Variants in KLHL32 observed in about 807,000 individuals in gnomAD.
KLHL32 encodes kelch-like protein 32.
Under a neutral mutation model 64.8 loss-of-function variants are expected in KLHL32, and 35 were observed. The ratio of observed to expected loss-of-function variants is 0.54; its 90% CI spans 0.41 to 0.72. The LOEUF (loss-of-function observed/expected upper bound fraction) is 0.72. Ranked by LOEUF, KLHL32 falls within the 30% of genes least tolerant of loss-of-function variation. The pLI is 0.00. For missense variants in KLHL32, 589 were observed against 768.5 expected (o/e 0.77, Z 2.76); for synonymous variants, 259 against 281.0 (o/e 0.92, Z 0.78).
intron 2 of KLHL32, among the ~76,000 whole-genome samples, chr6:96,973,524 A>G (rs1775334131): frequency 6.6e-6 from 1 of 152,204 alleles, no homozygotes; most frequent in Admixed American, 6.5e-5. Flanking sequence ...TCTATTTTCC[A>G]TCCCAAAACT....
intron 4 of KLHL32, among the ~76,000 whole-genome samples, chr6:97,042,908 C>T (rs1011955984): frequency 2.6e-5 from 4 of 152,174 alleles, no homozygotes; most frequent in East Asian, 1.9e-4. Flanking sequence ...ATTGATTCTT[C>T]GTGAAAAGGC....
At chr6:97,061,612 G>A (rs375021928) in intron 4 of KLHL32, among the ~76,000 whole-genome samples, 2 of 152,122 alleles carry the variant, frequency 1.3e-5, no homozygotes, top group South Asian at 2.1e-4. Context: ...GTCCTGGTTT[G>A]AGTGTCAGAC....
chr6:97,026,830 C>T (rs548234679), intron 3 of KLHL32, among the ~76,000 whole-genome samples: 2 of 152,182 alleles, frequency 1.3e-5, no homozygotes, highest in East Asian at 1.9e-4. Flanking sequence ...AAATTCCACA[C>T]TATTATCTTC....
chr6:97,003,703 G>C (rs115646954), intron 3 of KLHL32, among the ~76,000 whole-genome samples: 2,108 of 152,190 alleles, frequency 0.014, 47 homozygotes, highest in African/African-American at 0.048. Context: ...TCAAAGTTCT[G>C]CATATGGCTA....
chr6:97,079,961 C>T (rs545240641), intron 5 of KLHL32, among the ~76,000 whole-genome samples: 2 of 152,236 alleles, frequency 1.3e-5, no homozygotes, highest in East Asian at 3.9e-4. Context: ...TGGATACTTA[C>T]ATTTTTAAGT....
intron 6 of KLHL32, among the ~76,000 whole-genome samples, chr6:97,096,451 GTA>G (rs1349130624): frequency 6.6e-6 from 1 of 152,182 alleles, no homozygotes; most frequent in African/African-American, 2.4e-5. Flanking sequence ...CACTCCAAGC[GTA>G]TATATTCCAT....
chr6:96,961,043 G>A (rs1773826182), intron 1 of KLHL32, among the ~76,000 whole-genome samples: 1 of 152,074 alleles, frequency 6.6e-6, no homozygotes, highest in Non-Finnish European at 1.5e-5. Context: ...GACAAGGAAG[G>A]GGATTCTCTT....
intron 5 of KLHL32, among the ~76,000 whole-genome samples, chr6:97,079,498 C>T (rs990536007): frequency 1.3e-5 from 2 of 152,150 alleles, no homozygotes; most frequent in East Asian, 1.9e-4. Context: ...TTACCCCTAC[C>T]GTATTTGGTA....
chr6:97,010,403 C>T (rs1780249257), intron 3 of KLHL32: 1 of 152,162 alleles, frequency 6.6e-6, no homozygotes, highest in African/African-American at 2.4e-5. Flanking sequence ...ATACCCAGCC[C>T]TGGACTTTGC....
chr6:96,988,895 A>G (rs922399160), intron 3 of KLHL32, among the ~76,000 whole-genome samples: 2 of 151,126 alleles, frequency 1.3e-5, no homozygotes, highest in African/African-American at 4.8e-5. Flanking sequence ...ACAGGTGGGA[A>G]TTGAACAATG....
chr6:97,090,106 G>T (rs1011406241), intron 6 of KLHL32, among the ~76,000 whole-genome samples: 3 of 152,140 alleles, frequency 2.0e-5, no homozygotes, highest in African/African-American at 7.2e-5. Context: ...AGAGGCAGAG[G>T]CTGTGCTGTA....
intron 3 of KLHL32, among the ~76,000 whole-genome samples, chr6:96,985,460 A>T (rs1167778294): frequency 2.6e-5 from 4 of 152,220 alleles, no homozygotes; most frequent in Admixed American, 2.6e-4. Context: ...CATATCCTGC[A>T]GAGTGTTTTC....
chr6:96,922,318 A>G (rs850583), upstream of KLHL32, among the ~76,000 whole-genome samples: 88,774 of 151,924 alleles, frequency 0.58, 26,501 homozygotes, highest in African/African-American at 0.7. Context: ...ATCTCATAAC[A>G]TTCCTGTCCT....
intron 4 of KLHL32, chr6:97,062,389 C>T (rs1789051719): frequency 6.6e-6 from 1 of 152,192 alleles, no homozygotes; most frequent in Admixed American, 6.5e-5. Flanking sequence ...GGGAGCTGCA[C>T]TAATTTCGTG....
chr6:97,009,375 A>G (rs371169611), intron 3 of KLHL32, among the ~76,000 whole-genome samples: 3 of 152,058 alleles, frequency 2.0e-5, no homozygotes, highest in Admixed American at 2.0e-4. Context: ...TTGCTTTTCA[A>G]ATGTAAATGT....
At position 97,022,118 on chromosome 6, in the gene KLHL32, G is replaced by A. The variant is rs560473721; in HGVS notation, c.205-19374G>A. Among the ~76,000 whole-genome samples the A allele has an allele frequency of 1.3e-5, 2 of 150,858 alleles. 1 individual carries two copies. Among genetic ancestry groups the A allele is most frequent in the African/African-American group, 5.0e-5 (2 of 40,222 alleles). ...ATGCTTTGGAGTCTGTTTCAATACT[G>A]CAGCCCCAGTGAACCCACTGAAAAC... is the stretch of plus-strand genomic sequence containing the variant. On this transcript the variant is annotated intron_variant, in intron 3 of 10. Coordinates refer to ENST00000369261, the MANE Select transcript of KLHL32 (RefSeq NM_052904.4).
intron 2 of KLHL32, among the ~76,000 whole-genome samples, chr6:96,974,584 G>C (rs536379259): frequency 3.3e-5 from 5 of 152,006 alleles, no homozygotes; most frequent in African/African-American, 1.2e-4. Context: ...TATCATCACC[G>C]TCTGTCAAGT....
chr6:97,048,871 A>AG (rs1786365985), intron 4 of KLHL32, among the ~76,000 whole-genome samples: 1 of 152,202 alleles, frequency 6.6e-6, no homozygotes, highest in Admixed American at 6.5e-5. Flanking sequence ...CAAACATGGG[A>AG]GAAAATTTTT....
chr6:97,116,323 C>A lies in KLHL32; in HGVS notation c.1354+1814C>A, dbSNP rs565904669. ...GTATATTTCAACAGTTAATAACCAC[C>A]AAGACTATATTCTTTTAGCTGTGCT... On this transcript the variant is annotated intron_variant, in intron 7 of 10. Transcript: ENST00000369261. Among the ~76,000 whole-genome samples the A allele has an allele frequency of 2.6e-5, 4 of 152,064 alleles. No individual in the cohort carries two copies. The South Asian group carries it at 8.3e-4, about 32-fold the overall frequency.
Sources: gnomAD v4.1 joint callset for allele counts (sites outside exome capture counted in the v4.1 genomes callset) on GRCh38, gnomAD v4.1.1 for gene constraint, MANE v1.5 for transcripts, NCBI Gene and HGNC (gene_info 2026-07-23, HGNC 2026-07-21) for gene names.